The following INSR variants were observed in gnomAD, a reference collection of about 807,000 sequenced individuals.
INSR encodes IR.
A neutral mutation model predicts 142.6 loss-of-function variants in INSR; 67 were observed. That is an observed-to-expected ratio of 0.47 (90% CI 0.39 to 0.58). INSR has a LOEUF of 0.58. Ranked by LOEUF, INSR falls within the 20% of genes least tolerant of loss-of-function variation. The pLI, the probability that INSR is intolerant of heterozygous loss-of-function variation, is 0.00. For missense variants in INSR, 1,248 were observed against 1,833.2 expected (o/e 0.68, Z 5.83); for synonymous variants, 756 against 743.1 (o/e 1.02, Z -0.28).
At chr19:7,190,225 A>G (rs1974542316) in intron 2 of INSR, among the ~76,000 whole-genome samples, 1 of 152,030 alleles carries the variant, frequency 6.6e-6, no homozygotes, top group Non-Finnish European at 1.5e-5. Context: ...CAAAGATTAC[A>G]GTTTTATTGT....
chr19:7,263,073 T>G (rs1396953641), intron 2 of INSR, among the ~76,000 whole-genome samples: 1 of 151,634 alleles, frequency 6.6e-6, no homozygotes, highest in African/African-American at 2.4e-5. Flanking sequence ...AGGCCAGGGG[T>G]TTGAGACCAT....
intron 11 of INSR, among the ~76,000 whole-genome samples, chr19:7,147,959 G>A (rs1208635303): frequency 2.0e-5 from 3 of 152,158 alleles, no homozygotes; most frequent in African/African-American, 7.2e-5. Context: ...TGTTGCCCAG[G>A]CTGGAGTGCA....
chr19:7,283,149 C>T (rs4804457), intron 1 of INSR, among the ~76,000 whole-genome samples: 124,625 of 151,718 alleles, frequency 0.82, 52,918 homozygotes, highest in Non-Finnish European at 0.94. Context: ...GCTGTGATTG[C>T]GCCACTGCAC....
chr19:7,184,682 A>G, intron 2 of INSR, 45 bp from the exon 3 acceptor site: 4 of 1,091,818 alleles, frequency 3.7e-6, no homozygotes. Flanking sequence ...AAATAAATAA[A>G]TAAATAAATA....
chr19:7,229,257 AGATG>A lies in INSR; in HGVS notation c.652+38084_652+38087del, dbSNP rs143390070. On this transcript the variant is annotated intron_variant, in intron 2 of 21. Transcript: ENST00000302850. ...TGGTGAATGGACTGGATGAATGGAT[AGATG>A]GATGGATGGATGGGCAGATGAGCAA... Among the ~76,000 whole-genome samples the A allele has an allele frequency of 0.01, 1,364 of 135,054 alleles. 57 individuals carry two copies. The East Asian group carries it at 0.16, about 16-fold the overall frequency. The allele number at this position is 135,054 out of a possible 152,430, so 88.6% of individuals were successfully genotyped here.
In INSR at chr19:7,200,819, C is replaced by T. The variant is rs375809874; in HGVS notation, c.653-16182G>A. On this transcript the variant is annotated intron_variant, in intron 2 of 21. Transcript: ENST00000302850. ...AGGCTGCAGTGAGCTAGGATCACGC[C>T]ACTGCACTCCAGCCTGGGTAACAGA... 1.9e-3 allele frequency among the ~76,000 whole-genome samples: 284 copies of T among 145,988 alleles called. 1 individual carries two copies. Among genetic ancestry groups the T allele is most frequent in the African/African-American group, 6.9e-3 (269 of 38,714 alleles).
intron 1 of INSR, among the ~76,000 whole-genome samples, chr19:7,270,333 T>TCACACA (rs1261592271): frequency 4.1e-4 from 27 of 65,498 alleles, no homozygotes; most frequent in South Asian, 8.9e-4. Context: ...TCTCTCTCTC[T>TCACACA]CTCTCTCACA....
chr19:7,261,612 C>CCT (rs908602119), intron 2 of INSR, among the ~76,000 whole-genome samples: 13 of 151,990 alleles, frequency 8.6e-5, no homozygotes, highest in African/African-American at 3.1e-4. Flanking sequence ...CTCACTGCAA[C>CCT]CTCTGCCTCT....
rs975972948 is a variant in INSR at position 7,169,533 on chromosome 19, G to A, written c.1483+1004C>T. On this transcript the variant is annotated intron_variant, in intron 6 of 21. Transcript: ENST00000302850. ...GGAGGTTGCAGTGAGGCAAGATCAC[G>A]CCACTGCACTCCAGCCCTGGGTGAC... Among the ~76,000 whole-genome samples, 36 of 136,874 alleles carry A rather than the reference G, an allele frequency of 2.6e-4. No individual in the cohort carries two copies. The East Asian group carries it at 4.8e-3, about 18-fold the overall frequency. The allele number at this position is 136,874 out of a possible 152,430, so 89.8% of individuals were successfully genotyped here.
Position 7,146,642 on chromosome 19 carries a change from G to A in INSR, c.2268-3552C>T, listed in dbSNP as rs767144516. Among the ~76,000 whole-genome samples the A allele has an allele frequency of 2.9e-4, 44 of 152,200 alleles. No individual in the cohort carries two copies. In the Middle Eastern group the frequency reaches 0.024, roughly 82 times the overall value. ...CCCTAAAATAGTTTTTCTATTATAG[G>A]AAATAGTTGCTCTCTCACAATTTGA... is the stretch of plus-strand genomic sequence containing the variant. On this transcript the variant is annotated intron_variant, in intron 11 of 21. Transcript: ENST00000302850.
chr19:7,155,370 C>G (rs1235906367), intron 9 of INSR, among the ~76,000 whole-genome samples: 1 of 151,652 alleles, frequency 6.6e-6, no homozygotes, highest in Admixed American at 6.6e-5. Flanking sequence ...AACGCTGTCT[C>G]TACTAAAAAA....
chr19:7,141,838 G>C, intron 12 of INSR, 22 bp from the exon 13 acceptor site: 1 of 1,601,372 alleles, frequency 6.2e-7, no homozygotes, highest in South Asian at 1.1e-5. Flanking sequence ...GGAAGTGAGA[G>C]GCAGGGATGT....
Position 7,116,981 on chromosome 19 carries a change from A to T in INSR, c.*75T>A. ...ACATGGTAGAGTCGTGAGAATCCTG[A>T]GTTTTCCAGAGGCTTTCAAACCAGA... On this transcript the variant is annotated 3_prime_UTR_variant, in exon 22 of 22. Coordinates refer to ENST00000302850, the MANE Select transcript of INSR (RefSeq NM_000208.4). 9.0e-7 allele frequency: 1 copy of T among 1,105,464 alleles called. No homozygotes were observed. Among genetic ancestry groups the T allele is most frequent in the Non-Finnish European group, 1.4e-6 (1 of 716,056 alleles). 68.5% of individuals were successfully genotyped at this position (1,105,464 alleles called of 1,614,324 possible).
chr19:7,235,233 G>C (rs1168882056), intron 2 of INSR, among the ~76,000 whole-genome samples: 1 of 152,074 alleles, frequency 6.6e-6, no homozygotes, highest in African/African-American at 2.4e-5. Context: ...AGCAAGGCAA[G>C]TTTCAACCTG....
chr19:7,291,696 A>G (rs1968497544), intron 1 of INSR, among the ~76,000 whole-genome samples: 1 of 152,216 alleles, frequency 6.6e-6, no homozygotes, highest in African/African-American at 2.4e-5. Flanking sequence ...CCAGGCACAG[A>G]TCCACAATTA....
intron 8 of INSR, among the ~76,000 whole-genome samples, chr19:7,163,925 T>TAAAA (rs748862314): frequency 2.5e-4 from 11 of 44,594 alleles, no homozygotes; most frequent in Admixed American, 2.9e-4. Flanking sequence ...CTATCTCTAC[T>TAAAA]AAAAAAAAAA....
At position 7,192,186 on chromosome 19, in the gene INSR, AAAAAAGAAAG is replaced by A. The variant is rs995192396; in HGVS notation, c.653-7559_653-7550del. ...AAAAAGAAAGACAGAGAAAGAAAAGAAAAAAGAAAGAAAAAGAAAGAAAGGAGAAAGAAAA... is the reference window on the plus strand; with the variant it reads ...AAAAAGAAAGACAGAGAAAGAAAAGAAAAAAGAAAGAAAGGAGAAAGAAAA... On this transcript the variant is annotated intron_variant, in intron 2 of 21. Transcript: ENST00000302850. This position sits in a 1 kb window ranked among gnomAD's most constrained non-coding sequence, Gnocchi z 4.2. 6.9e-4 allele frequency among the ~76,000 whole-genome samples: 104 copies of A among 150,684 alleles called. No homozygotes were observed. The highest frequency in any genetic ancestry group is 2.3e-3 in the African/African-American group (94 of 41,132).
chr19:7,272,755 TTG>T (rs1568232428), intron 1 of INSR, among the ~76,000 whole-genome samples: 1 of 152,160 alleles, frequency 6.6e-6, no homozygotes, highest in Non-Finnish European at 1.5e-5. Flanking sequence ...TAATTTAAAT[TTG>T]TTTTGTAGAG....
intron 2 of INSR, among the ~76,000 whole-genome samples, chr19:7,235,136 G>T: frequency 6.6e-6 from 1 of 152,184 alleles, no homozygotes; most frequent in Non-Finnish European, 1.5e-5. Context: ...GTGAGGGCCA[G>T]TATTCAATCA....
Sources: allele counts gnomAD v4.1 joint callset (sites outside exome capture counted in the v4.1 genomes callset), GRCh38; gene constraint gnomAD v4.1.1; non-coding constraint Gnocchi (gnomAD v3.1); transcripts MANE v1.5; gene names NCBI Gene and HGNC (gene_info 2026-07-23, HGNC 2026-07-21).